The following ANKRD30B variants were observed in gnomAD, a reference collection of about 807,000 sequenced individuals.
The protein encoded by ANKRD30B is ankyrin repeat domain 30B, also known as ankyrin repeat domain-containing protein 30B.
In ANKRD30B, 144 loss-of-function variants were observed where a neutral mutation model predicts 202.2. The ratio of observed to expected loss-of-function variants is 0.71; its 90% CI spans 0.62 to 0.82. The LOEUF (loss-of-function observed/expected upper bound fraction) is 0.82, where lower values mean the gene tolerates loss of function less well. Ranked by LOEUF, ANKRD30B falls within the 40% of genes least tolerant of loss-of-function variation. The pLI is 0.00. For missense variants in ANKRD30B, 1,487 were observed against 1,669.1 expected (o/e 0.89, Z 1.90); for synonymous variants, 508 against 561.3 (o/e 0.91, Z 1.34).
At chr18:14,818,430 A>G (rs1970229856) in intron 30 of ANKRD30B, among the ~76,000 whole-genome samples, 1 of 151,830 alleles carries the variant, frequency 6.6e-6, no homozygotes, top group Non-Finnish European at 1.5e-5. Context: ...TTACATATGT[A>G]TACATGTGCC....
rs1365671953 is a variant in ANKRD30B, at chr18:14,757,799, CTCTT to C, written c.618-14_618-11del. On this transcript the variant is annotated splice_polypyrimidine_tract_variant and intron_variant, in intron 4 of 43. Coordinates refer to ENST00000690538, the MANE Select transcript of ANKRD30B (RefSeq NM_001367607.2). ...ATTGATTCTGCTCATAATAAGTTAT[CTCTT>C]TGTTATTTTAGCACAGCCCTCATGC... is the stretch of plus-strand genomic sequence containing the variant. 1.9e-6 allele frequency: 3 copies of C among 1,608,774 alleles called. No homozygotes were observed. In the African/African-American group the frequency reaches 4.0e-5, roughly 22 times the overall value.
chr18:14,888,941 T>C, the ANKRD30B span: 1 of 953,276 alleles, frequency 1.0e-6, no homozygotes. Context: ...TTCCAAATGA[T>C]TTTTAGAGAG....
At chr18:14,755,452 G>C (rs536282181) in intron 4 of ANKRD30B, among the ~76,000 whole-genome samples, 2 of 151,864 alleles carry the variant, frequency 1.3e-5, no homozygotes, top group South Asian at 2.1e-4. Flanking sequence ...ACATTGTGCA[G>C]GTTTGTTACA....
chr18:14,897,793 G>T, the ANKRD30B span, among the ~76,000 whole-genome samples: 1 of 152,140 alleles, frequency 6.6e-6, no homozygotes, highest in Non-Finnish European at 1.5e-5. Context: ...GACTACCCTA[G>T]TTCCTTTGCA....
chr18:14,762,628 C>T (rs1488333537), intron 6 of ANKRD30B, among the ~76,000 whole-genome samples: 1 of 151,982 alleles, frequency 6.6e-6, no homozygotes, highest in Non-Finnish European at 1.5e-5. Flanking sequence ...AATTTTGTTA[C>T]AGCAAGATAC....
At chr18:14,866,823 C>T in the ANKRD30B span, among the ~76,000 whole-genome samples, 9 of 151,482 alleles carry the variant, frequency 5.9e-5, no homozygotes, top group Admixed American at 2.0e-4. Context: ...AGGTGGCAGG[C>T]GGTTGGAGGC....
At chr18:14,858,476 G>A (rs1220778605), downstream of ANKRD30B, among the ~76,000 whole-genome samples, 1 of 86,126 alleles carries the variant, frequency 1.2e-5, no homozygotes, top group African/African-American at 5.6e-5. Context: ...GCCAGGCAGA[G>A]GCACTCCTCA....
chr18:14,820,380 C>T (rs1970352391), intron 30 of ANKRD30B, among the ~76,000 whole-genome samples: 1 of 152,132 alleles, frequency 6.6e-6, no homozygotes, highest in Admixed American at 6.5e-5. Context: ...ATTGCCCTGG[C>T]CAGAACTTCC....
At chr18:14,905,650 C>T in the ANKRD30B span, 1 of 152,112 alleles carries the variant, frequency 6.6e-6, no homozygotes, top group South Asian at 2.1e-4. Context: ...CTAGACCTGG[C>T]AAAGACCTAG....
In ANKRD30B at chr18:14,754,936, G is replaced by A; in HGVS notation, c.548G>A (p.Arg183Lys). The A allele has an allele frequency of 6.4e-7, 1 of 1,559,462 alleles. No individual in the cohort carries two copies. The highest frequency in any genetic ancestry group is 8.7e-7 in the Non-Finnish European group (1 of 1,151,530). Residue 183 changes from arginine to lysine, a missense_variant, in exon 4 of 44, where the codon AGA becomes AAA. Physicochemically the swap from Arg to Lys is conservative, Grantham distance 26 (BLOSUM62 2). This residue lies in a region of ANKRD30B where 889 missense variants were observed against 841.4 expected (regional missense o/e 1.06). Coordinates refer to ENST00000690538, the MANE Select transcript of ANKRD30B (RefSeq NM_001367607.2). ...LTPLLLAIQK[R>K]SKQTVEFLLT... ...CCCCTTTTACTGGCCATACAGAAAA[G>A]AAGCAAGCAAACTGTGGAATTTTTA...
chr18:14,892,446 C>T, the ANKRD30B span, among the ~76,000 whole-genome samples: 2 of 152,068 alleles, frequency 1.3e-5, no homozygotes, highest in Non-Finnish European at 2.9e-5. Flanking sequence ...CTGCACTTTA[C>T]AAGAGGTGAT....
intron 30 of ANKRD30B, among the ~76,000 whole-genome samples, chr18:14,821,617 C>T (rs1409384629): frequency 1.3e-5 from 2 of 152,142 alleles, no homozygotes; most frequent in African/African-American, 4.8e-5. Context: ...GCCACCATAC[C>T]TGGATGATTT....
At chr18:14,770,597 C>T (rs1378157171) in intron 8 of ANKRD30B, among the ~76,000 whole-genome samples, 1 of 152,088 alleles carries the variant, frequency 6.6e-6, no homozygotes, top group African/African-American at 2.4e-5. Context: ...GAAACAATCC[C>T]AGGATTGGTA....
the ANKRD30B span, among the ~76,000 whole-genome samples, chr18:14,935,492 C>T: frequency 1.3e-5 from 2 of 152,204 alleles, no homozygotes; most frequent in East Asian, 1.9e-4. Flanking sequence ...TCCTTCCCTA[C>T]GGTGGGCCTG....
At chr18:14,842,094 A>T (rs1971442198) in intron 37 of ANKRD30B, among the ~76,000 whole-genome samples, 1 of 152,104 alleles carries the variant, frequency 6.6e-6, no homozygotes, top group South Asian at 2.1e-4. Context: ...TGAATTCTAA[A>T]ATTGTTTTTT....
intron 33 of ANKRD30B, among the ~76,000 whole-genome samples, chr18:14,829,937 C>T (rs1294339797): frequency 6.6e-6 from 1 of 152,108 alleles, no homozygotes; most frequent in African/African-American, 2.4e-5. Context: ...CCTCTTTTTC[C>T]AAGCCTCTGA....
the ANKRD30B span, among the ~76,000 whole-genome samples, chr18:14,929,996 T>A: frequency 6.6e-6 from 1 of 152,032 alleles, no homozygotes; most frequent in South Asian, 2.1e-4. Flanking sequence ...GGGCTCTGGA[T>A]GAGTAAGTGG....
At chr18:14,932,200 G>A in the ANKRD30B span, among the ~76,000 whole-genome samples, 1 of 151,616 alleles carries the variant, frequency 6.6e-6, no homozygotes, top group Non-Finnish European at 1.5e-5. Flanking sequence ...CCCAGACCTG[G>A]GAGGTGGGGT....
intron 34 of ANKRD30B, among the ~76,000 whole-genome samples, chr18:14,834,010 G>GC (rs1366868067): frequency 1.3e-5 from 2 of 151,934 alleles, no homozygotes; most frequent in Non-Finnish European, 2.9e-5. Context: ...CTCAATCATT[G>GC]CCCCCCGCAT....
Sources: gnomAD v4.1 joint callset for allele counts (sites outside exome capture counted in the v4.1 genomes callset) on GRCh38, gnomAD v4.1.1 for gene constraint, gnomAD v4.1.1 regional missense constraint, MANE v1.5 for transcripts, NCBI Gene and HGNC (gene_info 2026-07-23, HGNC 2026-07-21) for gene names.